BICRAL: variants seen among roughly 807,000 people sequenced by gnomAD.
BICRAL encodes BICRA like chromatin remodeling complex associated protein, also known as BRD4-interacting chromatin-remodeling complex-associated protein-like.
A neutral mutation model predicts 91.8 loss-of-function variants in BICRAL; 8 were observed. That is an observed-to-expected ratio of 0.09 (90% CI 0.05 to 0.16). The LOEUF (loss-of-function observed/expected upper bound fraction) is 0.16, where lower values mean the gene tolerates loss of function less well. BICRAL is among the 10% of genes least tolerant of loss of function. The pLI is 1.00. For missense variants in BICRAL, 1,038 were observed against 1,310.9 expected, an observed-to-expected ratio of 0.79 and a Z score of 3.21; for synonymous variants, 445 against 491.1, an observed-to-expected ratio of 0.91 and a Z score of 1.24.
At chr6:42,782,771 A>C (rs976214750) in intron 1 of BICRAL, among the ~76,000 whole-genome samples, 5 of 150,390 alleles carry the variant, frequency 3.3e-5, no homozygotes, top group Non-Finnish European at 1.5e-5. Context: ...AGGAGGGAGC[A>C]GGGCTCGGCG....
At position 42,783,609 on chromosome 6, in the gene BICRAL, G is replaced by C. The variant is rs1391749394; in HGVS notation, c.-102+1508G>C. On this transcript the variant is annotated intron_variant, in intron 1 of 12. Transcript: ENST00000314073. ...TAGCGGGAGCCGAGAGCAGGGTGCT[G>C]AATTCTGGAGATGGGACTGGGGTCG... Among the ~76,000 whole-genome samples the C allele has an allele frequency of 2.6e-5, 4 of 152,218 alleles. No individual in the cohort carries two copies. The East Asian group carries it at 7.7e-4, about 29-fold the overall frequency.
chr6:42,853,316 T>G (rs1388113014), intron 7 of BICRAL, among the ~76,000 whole-genome samples: 1 of 152,104 alleles, frequency 6.6e-6, no homozygotes, highest in Non-Finnish European at 1.5e-5. Flanking sequence ...TTCCTTAAAT[T>G]GTATTTTGGG....
At position 42,860,257 on chromosome 6, in the gene BICRAL, T is replaced by C. The variant is rs746206039; in HGVS notation, c.2255-5T>C. On this transcript the variant is annotated splice_region_variant and splice_polypyrimidine_tract_variant and intron_variant, in intron 10 of 12. Coordinates refer to ENST00000314073, the MANE Select transcript of BICRAL (RefSeq NM_001393499.1). ...CACTATTTCTTTGTCTCTCTCTTTTTAAAGTGGACAATGAATTTGAGACAG... is the reference window on the plus strand; with the variant it reads ...CACTATTTCTTTGTCTCTCTCTTTTCAAAGTGGACAATGAATTTGAGACAG... 11 of 1,559,888 alleles carry C rather than the reference T, an allele frequency of 7.1e-6. No individual in the cohort carries two copies. The highest frequency in any genetic ancestry group is 1.7e-4 in the Middle Eastern group (1 of 5,954).
intron 6 of BICRAL, among the ~76,000 whole-genome samples, chr6:42,841,075 T>TAAAA (rs758007416): frequency 3.5e-5 from 3 of 85,280 alleles, no homozygotes; most frequent in Non-Finnish European, 4.3e-5. Flanking sequence ...ACTCAATCTT[T>TAAAA]AAAAAAAAAA....
chr6:42,826,210 C>T (rs1392061408), intron 5 of BICRAL, among the ~76,000 whole-genome samples: 1 of 151,280 alleles, frequency 6.6e-6, no homozygotes, highest in Non-Finnish European at 1.5e-5. Context: ...CCCAGGCCAC[C>T]AGGCTCTGGA....
intron 6 of BICRAL, among the ~76,000 whole-genome samples, chr6:42,844,390 T>C (rs893790606): frequency 2.7e-5 from 4 of 150,498 alleles, no homozygotes; most frequent in Admixed American, 2.0e-4. Context: ...GCACCTGTAG[T>C]CCCAGCTACT....
Position 42,865,099 on chromosome 6 carries a change from G to T in BICRAL, c.2893G>T (p.Glu965Ter). ...AAGCATCCTAGCAGATTCGCACTTG[G>T]AGATGACGTGTAACAATTCCTTCCA... Reference protein sequence around the residue: ...LSSILADSHLEMTCNNSFQDK... With the variant: ...LSSILADSHL Residue 965 changes from glutamate to a stop codon, truncating the protein, a stop_gained, in exon 13 of 13, where the codon GAG (glutamate) becomes TAG (stop). Transcript: ENST00000314073. LOFTEE classifies it high-confidence loss of function. The T allele has an allele frequency of 6.2e-7, 1 of 1,614,166 alleles. No homozygotes were observed. Among genetic ancestry groups the T allele is most frequent in the South Asian group, 1.1e-5 (1 of 91,070 alleles).
At chr6:42,760,378 G>A (rs978682748) in intron 1 of BICRAL, among the ~76,000 whole-genome samples, 5 of 149,146 alleles carry the variant, frequency 3.4e-5, no homozygotes, top group Non-Finnish European at 7.4e-5. Context: ...AAAAAAAAGT[G>A]GGTCAGGGGA....
At position 42,865,012 on chromosome 6, in the gene BICRAL, G is replaced by A. The variant is rs200474023; in HGVS notation, c.2806G>A (p.Gly936Ser). 95 of 1,614,002 alleles carry A rather than the reference G, an allele frequency of 5.9e-5. No individual in the cohort carries two copies. The highest frequency in any genetic ancestry group is 3.6e-4 in the South Asian group (33 of 91,084). ...TCTGAAGGCCAGTCAGTGCTCTCCC[G>A]GCCCTGAGGGGCACCGGAAAACCTC... ...EPLKASQCSP[G>S]PEGHRKTSSR... The change falls in exon 13 of 13, where the codon GGC becomes AGC. Residue 936 changes from glycine to serine, a missense_variant. By Grantham distance (56) the Gly-to-Ser change is moderately conservative. Transcript: ENST00000314073.
At chr6:42,782,917 G>C (rs568097937) in intron 1 of BICRAL, among the ~76,000 whole-genome samples, 3 of 150,972 alleles carry the variant, frequency 2.0e-5, no homozygotes, top group African/African-American at 7.3e-5. Context: ...TCTCTCGGAA[G>C]CTCTAGGGTG....
In BICRAL at chr6:42,785,532, GTCCGGGAAACAAGA is replaced by G. The variant is rs552902992; in HGVS notation, c.-102+3432_-102+3445del. 6.3e-3 allele frequency among the ~76,000 whole-genome samples: 925 copies of G among 145,948 alleles called. 1 individual carries two copies. The highest frequency in any genetic ancestry group is 0.011 in the Non-Finnish European group (725 of 67,374). On this transcript the variant is annotated intron_variant, in intron 1 of 12. Transcript: ENST00000314073. ...CCCGAGACCCCACCATTGCACTCCA[GTCCGGGAAACAAGA>G]ACGAAACTCCCATCTCAAAAAAAAA... is the stretch of plus-strand genomic sequence containing the variant.
chr6:42,797,250 T>C (rs1316218569), intron 1 of BICRAL, among the ~76,000 whole-genome samples: 2 of 151,924 alleles, frequency 1.3e-5, no homozygotes, highest in African/African-American at 2.4e-5. Context: ...CCAATTTAGG[T>C]TGGGATTTTA....
At position 42,790,330 on chromosome 6, in the gene BICRAL, ATTTTTTTT is replaced by A. The variant is rs70990136; in HGVS notation, c.-102+8247_-102+8254del. ...TGCAACACCATGCCCAGATAATTTA[ATTTTTTTT>A]TTTTTTTTTTTTTTTTTGTAGAGAC... is the stretch of plus-strand genomic sequence containing the variant. On this transcript the variant is annotated intron_variant, in intron 1 of 12. Coordinates refer to ENST00000314073, the MANE Select transcript of BICRAL (RefSeq NM_001393499.1). Among the ~76,000 whole-genome samples the A allele has an allele frequency of 2.6e-3, 225 of 87,820 alleles. 2 individuals carry two copies. The highest frequency in any genetic ancestry group is 7.3e-3 in the African/African-American group (135 of 18,616). 57.6% of individuals were successfully genotyped at this position (87,820 alleles called of 152,430 possible).
rs1048073091 is a variant in BICRAL at position 42,866,144 on chromosome 6, G to T, written c.*698G>T. 6.6e-6 allele frequency: 1 copy of T among 152,246 alleles called. No homozygotes were observed. Among genetic ancestry groups the T allele is most frequent in the Non-Finnish European group, 1.5e-5 (1 of 68,204 alleles). 9.4% of individuals were successfully genotyped at this position (152,246 alleles called of 1,614,324 possible). ...TGATGCTTCCGGAGCAAAACCTCATGCTTTTAGGCATATCTATGTTGAATT... is the reference window on the plus strand; with the variant it reads ...TGATGCTTCCGGAGCAAAACCTCATTCTTTTAGGCATATCTATGTTGAATT... On this transcript the variant is annotated 3_prime_UTR_variant, in exon 13 of 13. Coordinates refer to ENST00000314073, the MANE Select transcript of BICRAL (RefSeq NM_001393499.1).
chr6:42,859,790 C>T (rs1215180431), intron 10 of BICRAL, among the ~76,000 whole-genome samples: 2 of 151,890 alleles, frequency 1.3e-5, no homozygotes, highest in East Asian at 1.9e-4. Context: ...TAGAGGTGCC[C>T]GCCACCACGC....
intron 6 of BICRAL, among the ~76,000 whole-genome samples, chr6:42,850,065 A>T (rs1246340462): frequency 6.6e-6 from 1 of 151,856 alleles, no homozygotes; most frequent in Non-Finnish European, 1.5e-5. Context: ...ATAAATAAAT[A>T]AATAAGCTTA....
chr6:42,863,765 C>T (rs1406762040), intron 12 of BICRAL, among the ~76,000 whole-genome samples: 1 of 152,172 alleles, frequency 6.6e-6, no homozygotes, highest in African/African-American at 2.4e-5. Context: ...GAGGTGCTCA[C>T]ACCTGTAACC....
At chr6:42,831,498 G>T (rs959310743) in intron 6 of BICRAL, among the ~76,000 whole-genome samples, 1 of 152,186 alleles carries the variant, frequency 6.6e-6, no homozygotes, top group African/African-American at 2.4e-5. Context: ...TTTCTGAAAA[G>T]AATCTCAAAT....
chr6:42,748,156 T>G (rs1314106776), intron 1 of BICRAL, among the ~76,000 whole-genome samples: 1 of 147,816 alleles, frequency 6.8e-6, no homozygotes, highest in Non-Finnish European at 1.5e-5. Flanking sequence ...CACAAAACTG[T>G]GGGTCTGAAA....
Sources: gnomAD v4.1 joint callset for allele counts (sites outside exome capture counted in the v4.1 genomes callset) on GRCh38, gnomAD v4.1.1 for gene constraint, MANE v1.5 for transcripts, NCBI Gene and HGNC (gene_info 2026-07-23, HGNC 2026-07-21) for gene names.